FAM180A: variants seen among roughly 807,000 people sequenced by gnomAD.
FAM180A encodes the protein family with sequence similarity 180 member A, also known as protein FAM180A.
FAM180A carries 14 observed loss-of-function variants against 15.3 expected under a neutral mutation model. That is an observed-to-expected ratio of 0.92 (90% confidence interval 0.61 to 1.43). FAM180A has a LOEUF of 1.43. Ranked by LOEUF, FAM180A falls within the 40% of genes most tolerant of loss-of-function variation. The probability of loss-of-function intolerance (pLI) is 0.00; values close to 1 mark genes in which losing one functional copy is unlikely to be tolerated. For missense variants in FAM180A, 200 were observed against 220.8 expected, an observed-to-expected ratio of 0.91 and a Z score of 0.60; for synonymous variants, 90 against 96.8, an observed-to-expected ratio of 0.93 and a Z score of 0.41.
intron 1 of FAM180A, among the ~76,000 whole-genome samples, chr7:135,747,772 G>A (rs1474906023): frequency 6.6e-6 from 1 of 152,148 alleles, no homozygotes; most frequent in Non-Finnish European, 1.5e-5. Flanking sequence ...GTGAAGAGTG[G>A]GCAGTGCCGT....
chr7:135,748,780 C>T lies in FAM180A; in HGVS notation c.-200G>A. ...CTGGGTGGGACAGGAGTCGGTACCT[C>T]TCTTCATTTGACGCTCTCTGGGATT... On this transcript the variant is annotated 5_prime_UTR_variant, in exon 1 of 4. Coordinates refer to ENST00000338588, the MANE Select transcript of FAM180A (RefSeq NM_205855.4). 1 of 575,294 alleles carries T rather than the reference C, an allele frequency of 1.7e-6. No homozygotes were observed. The allele number at this position is 575,294 out of a possible 1,614,324, so 35.6% of individuals were successfully genotyped here. A position where few individuals can be genotyped will look rare whatever the true frequency, so the allele number is the denominator to read the frequency against.
At chr7:135,736,954 A>C in intron 2 of FAM180A, 145 bp downstream of exon 2, 1 of 675,310 alleles carries the variant, frequency 1.5e-6, no homozygotes, top group Admixed American at 2.2e-5. Context: ...AGGTTCTATG[A>C]CCTCTACAAA....
Position 135,734,181 on chromosome 7 carries a change from G to T in FAM180A, c.316C>A (p.Arg106=), listed in dbSNP as rs745866299. Reference sequence around the variant, plus strand: ...TGGCTGGAGAGGCTGGCGCTGAGCCGGCGGATGTCTGGGATGCTCTTGGGG... The same window carrying T: ...TGGCTGGAGAGGCTGGCGCTGAGCCTGCGGATGTCTGGGATGCTCTTGGGG... ...VIPKSIPDIR[R]LSASLSSHPG... Residue 106 remains arginine (R), a synonymous_variant, in exon 3 of 4, where the codon CGG becomes AGG. Coordinates refer to ENST00000338588, the MANE Select transcript of FAM180A (RefSeq NM_205855.4). The T allele has an allele frequency of 6.2e-6, 10 of 1,614,072 alleles. No individual in the cohort carries two copies. The highest frequency in any genetic ancestry group is 1.3e-5 in the African/African-American group (1 of 74,936).
intron 2 of FAM180A, among the ~76,000 whole-genome samples, chr7:135,735,179 C>T (rs1184102533): frequency 2.0e-5 from 3 of 152,202 alleles, no homozygotes; most frequent in African/African-American, 7.2e-5. Flanking sequence ...GCTGGGATTA[C>T]AGGCATGAGC....
chr7:135,740,507 A>G (rs1295910011), intron 1 of FAM180A, among the ~76,000 whole-genome samples: 1 of 152,144 alleles, frequency 6.6e-6, no homozygotes, highest in African/African-American at 2.4e-5. Flanking sequence ...CTCCAGGCCA[A>G]TTTGTGGGCA....
At chr7:135,747,400 C>T (rs900181281) in intron 1 of FAM180A, among the ~76,000 whole-genome samples, 5 of 152,070 alleles carry the variant, frequency 3.3e-5, no homozygotes, top group Admixed American at 6.5e-5. Context: ...TTCTGGGCAA[C>T]GATCACTTCA....
rs928780446 is a variant in FAM180A at position 135,740,510 on chromosome 7, T to C, written c.77-3311A>G. Among the ~76,000 whole-genome samples, 6 of 152,286 alleles carry C rather than the reference T, an allele frequency of 3.9e-5. No homozygotes were observed. The East Asian group carries it at 1.2e-3, about 29-fold the overall frequency. Reference sequence around the variant, plus strand: ...CCCAAGACCACACTCCAGGCCAATTTGTGGGCATCTCTGGGAGTGAAATGT... The same window carrying C: ...CCCAAGACCACACTCCAGGCCAATTCGTGGGCATCTCTGGGAGTGAAATGT... On this transcript the variant is annotated intron_variant, in intron 1 of 3. Coordinates refer to ENST00000338588, the MANE Select transcript of FAM180A (RefSeq NM_205855.4).
At position 135,733,915 on chromosome 7, in the gene FAM180A, G is replaced by A; in HGVS notation, c.*60C>T. Reference sequence around the variant, plus strand: ...GGTCTCTGTAAATGGAGTAGAGAATGAAGACTTTCTGGATTACTGTGCTGG... The same window carrying A: ...GGTCTCTGTAAATGGAGTAGAGAATAAAGACTTTCTGGATTACTGTGCTGG... On this transcript the variant is annotated 3_prime_UTR_variant, in exon 3 of 4. Transcript: ENST00000338588. 1 of 1,500,088 alleles carries A rather than the reference G, an allele frequency of 6.7e-7. No individual in the cohort carries two copies. The highest frequency in any genetic ancestry group is 2.3e-5 in the East Asian group (1 of 43,262). The allele number at this position is 1,500,088 out of a possible 1,614,324, so 92.9% of individuals were successfully genotyped here.
intron 1 of FAM180A, among the ~76,000 whole-genome samples, chr7:135,743,514 G>A (rs1212785366): frequency 6.6e-6 from 1 of 152,080 alleles, no homozygotes; most frequent in East Asian, 1.9e-4. Flanking sequence ...ACTGCGCCCA[G>A]CCCCTTATTG....
intron 1 of FAM180A, among the ~76,000 whole-genome samples, chr7:135,738,179 G>A (rs1796897857): frequency 6.6e-6 from 1 of 152,096 alleles, no homozygotes; most frequent in African/African-American, 2.4e-5. Context: ...TTTCCCCAAG[G>A]GCTGCCTGAT....
chr7:135,731,191 C>A (rs891778571), intron 3 of FAM180A, among the ~76,000 whole-genome samples: 5 of 152,070 alleles, frequency 3.3e-5, no homozygotes, highest in Non-Finnish European at 5.9e-5. Flanking sequence ...GGGAGTGGAG[C>A]CTCGGGGCGG....
chr7:135,744,621 G>A (rs185740941), intron 1 of FAM180A, among the ~76,000 whole-genome samples: 9 of 152,200 alleles, frequency 5.9e-5, no homozygotes, highest in South Asian at 2.1e-4. Context: ...CACCATGTAG[G>A]GGGGAGCTTG....
chr7:135,734,291 G>A lies in FAM180A; in HGVS notation c.206C>T (p.Pro69Leu). 1.3e-6 allele frequency: 2 copies of A among 1,599,016 alleles called. No homozygotes were observed. The highest frequency in any genetic ancestry group is 2.7e-5 in the African/African-American group (2 of 74,396). ...GTCCTTGATGGAGATCTGCAGGTCA[G>A]GGCTGATCTCAAGTTCGGCCAGCAG... ...EFLLAELEIS[P>L]DLQISIKDEE... The change falls in exon 3 of 4, where the codon CCT becomes CTT. Residue 69 changes from proline (P) to leucine (L), a missense_variant. Physicochemically the swap from Pro to Leu is moderately conservative, Grantham distance 98. Coordinates refer to ENST00000338588, the MANE Select transcript of FAM180A (RefSeq NM_205855.4).
chr7:135,746,512 C>G (rs1797033936), intron 1 of FAM180A, among the ~76,000 whole-genome samples: 2 of 152,128 alleles, frequency 1.3e-5, no homozygotes, highest in African/African-American at 4.8e-5. Context: ...GAACTTAAAC[C>G]AGGACCCTTG....
chr7:135,748,172 G>A (rs114235786), intron 1 of FAM180A, among the ~76,000 whole-genome samples: 3 of 152,234 alleles, frequency 2.0e-5, no homozygotes, highest in South Asian at 2.1e-4. Flanking sequence ...CTCTCCAGAC[G>A]GTCTGGCCCA....
rs899844780 is a variant in FAM180A at position 135,748,693 on chromosome 7, C to T, written c.-113G>A. On this transcript the variant is annotated 5_prime_UTR_variant, in exon 1 of 4. Coordinates refer to ENST00000338588, the MANE Select transcript of FAM180A (RefSeq NM_205855.4). ...GATGATGGAGTGCTTCCCTCCCTTC[C>T]TTTTGCAGACGTGCAGAAATGCCTA... The T allele has an allele frequency of 3.6e-6, 3 of 833,020 alleles. No homozygotes were observed. The highest frequency in any genetic ancestry group is 4.9e-5 in the East Asian group (2 of 40,852). 51.6% of individuals were successfully genotyped at this position (833,020 alleles called of 1,614,324 possible). A position where few individuals can be genotyped will look rare whatever the true frequency, so the allele number is the denominator to read the frequency against.
Position 135,733,845 on chromosome 7 carries a change from G to C in FAM180A, c.*130C>G. The C allele has an allele frequency of 1.4e-6, 2 of 1,417,288 alleles. No individual in the cohort carries two copies. Among genetic ancestry groups the C allele is most frequent in the Non-Finnish European group, 1.8e-6 (2 of 1,088,272 alleles). 87.8% of individuals were successfully genotyped at this position (1,417,288 alleles called of 1,614,324 possible). ...AGGAGAAAAGAGCATCGGGGTTACT[G>C]TTTGATCTCTGCTGCTCTGTGTCAG... On this transcript the variant is annotated 3_prime_UTR_variant, in exon 3 of 4. Coordinates refer to ENST00000338588, the MANE Select transcript of FAM180A (RefSeq NM_205855.4).
In FAM180A at chr7:135,734,059, G is replaced by A. The variant is rs780102925; in HGVS notation, c.438C>T (p.Asp146=). 2.5e-6 allele frequency: 4 copies of A among 1,614,228 alleles called. No individual in the cohort carries two copies. Among genetic ancestry groups the A allele is most frequent in the African/African-American group, 1.3e-5 (1 of 75,062 alleles). Residue 146 remains aspartate (D), a synonymous_variant, in exon 3 of 4, where the codon GAC becomes GAT. Coordinates refer to ENST00000338588, the MANE Select transcript of FAM180A (RefSeq NM_205855.4). ...GGCTAACGAGGGACTGCGCCCAGAT[G>A]TCCTTCTGATGGCCGTGGGACAGGG... The part of the protein sequence containing the change: ...RTALSHGHQK[D]IWAQSLVSLF...
rs1796840643 is a variant in FAM180A, at chr7:135,734,294, C to G, written c.203G>C (p.Ser68Thr). 1 of 1,599,048 alleles carries G rather than the reference C, an allele frequency of 6.3e-7. No homozygotes were observed. Among genetic ancestry groups the G allele is most frequent in the Admixed American group, 1.7e-5 (1 of 57,628 alleles). The change falls in exon 3 of 4, where the codon AGC becomes ACC. Residue 68 changes from serine to threonine, a missense_variant. Coordinates refer to ENST00000338588, the MANE Select transcript of FAM180A (RefSeq NM_205855.4). ...YEFLLAELEI[S>T]PDLQISIKDE... Reference sequence around the variant, plus strand: ...CTTGATGGAGATCTGCAGGTCAGGGCTGATCTCAAGTTCGGCCAGCAGGAA... The same window carrying G: ...CTTGATGGAGATCTGCAGGTCAGGGGTGATCTCAAGTTCGGCCAGCAGGAA...
Sources: gnomAD v4.1 joint callset for allele counts (sites outside exome capture counted in the v4.1 genomes callset) on GRCh38, gnomAD v4.1.1 for gene constraint, MANE v1.5 for transcripts, NCBI Gene and HGNC (gene_info 2026-07-23, HGNC 2026-07-21) for gene names.